SLC24A2: variants seen among roughly 807,000 people sequenced by gnomAD.
SLC24A2 encodes the protein solute carrier family 24 member 2.
SLC24A2 carries 36 observed loss-of-function variants against 62.0 expected under a neutral mutation model. That is an observed-to-expected ratio of 0.58 (90% CI 0.44 to 0.77). The LOEUF (loss-of-function observed/expected upper bound fraction) is 0.77. Ranked by LOEUF, SLC24A2 falls within the 30% of genes least tolerant of loss-of-function variation. The pLI, the probability that SLC24A2 is intolerant of heterozygous loss-of-function variation, is 0.00. For missense variants in SLC24A2, 846 were observed against 817.9 expected (o/e 1.03, Z -0.42); for synonymous variants, 358 against 294.0 (o/e 1.22, Z -2.23).
At chr9:19,693,230 A>G (rs868800419) in intron 2 of SLC24A2, among the ~76,000 whole-genome samples, 6 of 152,150 alleles carry the variant, frequency 3.9e-5, no homozygotes, top group African/African-American at 7.2e-5. Flanking sequence ...CTATAAAGAC[A>G]CACGCACATG....
chr9:19,848,169 G>A, the SLC24A2 span, among the ~76,000 whole-genome samples: 1 of 114,120 alleles, frequency 8.8e-6, no homozygotes, highest in East Asian at 2.0e-4. Context: ...TTGTATAGAA[G>A]AGGGGTTTAT....
the SLC24A2 span, among the ~76,000 whole-genome samples, chr9:20,164,391 C>T: frequency 1.3e-5 from 2 of 152,126 alleles, no homozygotes; most frequent in African/African-American, 2.4e-5. Flanking sequence ...AAATGCTTAC[C>T]ATCACTGGCC....
At chr9:20,168,684 A>G in the SLC24A2 span, among the ~76,000 whole-genome samples, 1 of 152,038 alleles carries the variant, frequency 6.6e-6, no homozygotes, top group Non-Finnish European at 1.5e-5. Context: ...TGCCTAAACT[A>G]AAGAAGAAAA....
At chr9:19,896,946 T>A in the SLC24A2 span, among the ~76,000 whole-genome samples, 2 of 152,228 alleles carry the variant, frequency 1.3e-5, no homozygotes, top group African/African-American at 4.8e-5. Flanking sequence ...GGGAAAAATC[T>A]AATTACCATC....
the SLC24A2 span, among the ~76,000 whole-genome samples, chr9:20,033,925 T>C: frequency 6.6e-6 from 1 of 152,218 alleles, no homozygotes; most frequent in Non-Finnish European, 1.5e-5. Flanking sequence ...CACTTTACTC[T>C]GTTGGCTCAC....
At chr9:19,636,892 AC>A (rs1818372294) in intron 2 of SLC24A2, among the ~76,000 whole-genome samples, 1 of 152,122 alleles carries the variant, frequency 6.6e-6, no homozygotes, top group Non-Finnish European at 1.5e-5. Context: ...AGTGTCCATG[AC>A]CCTAAAAAGG....
At chr9:19,782,229 G>C (rs560045910) in intron 2 of SLC24A2, among the ~76,000 whole-genome samples, 1 of 152,162 alleles carries the variant, frequency 6.6e-6, no homozygotes, top group African/African-American at 2.4e-5. Flanking sequence ...GCCAGGCTAG[G>C]AGCATAGCAA....
At chr9:20,096,814 C>T in the SLC24A2 span, among the ~76,000 whole-genome samples, 620 of 151,652 alleles carry the variant, frequency 4.1e-3, 5 homozygotes, top group African/African-American at 0.014. Flanking sequence ...TTTTTGTTAT[C>T]GTTCTGTTGT....
chr9:20,255,322 T>G, the SLC24A2 span, among the ~76,000 whole-genome samples: 450 of 152,334 alleles, frequency 3.0e-3, 11 homozygotes, highest in Admixed American at 0.026. Flanking sequence ...TGGGGTGGCA[T>G]TAAACAGTGT....
intron 8 of SLC24A2, among the ~76,000 whole-genome samples, chr9:19,531,591 G>A (rs1833709880): frequency 6.6e-6 from 1 of 152,066 alleles, no homozygotes; most frequent in African/African-American, 2.4e-5. Context: ...CTGGACATTA[G>A]CTGGTTGTAC....
chr9:19,844,959 C>CTTTT, the SLC24A2 span, among the ~76,000 whole-genome samples: 30 of 144,978 alleles, frequency 2.1e-4, 1 homozygote, highest in African/African-American at 5.5e-4. Flanking sequence ...ATGCCTCTGG[C>CTTTT]TTTTTTTTTT....
At chr9:20,289,732 C>G in the SLC24A2 span, among the ~76,000 whole-genome samples, 1 of 152,164 alleles carries the variant, frequency 6.6e-6, no homozygotes, top group African/African-American at 2.4e-5. Flanking sequence ...ATGAATTGAA[C>G]TCCCATCCAC....
At chr9:19,980,883 T>C in the SLC24A2 span, among the ~76,000 whole-genome samples, 2 of 152,210 alleles carry the variant, frequency 1.3e-5, no homozygotes, top group African/African-American at 4.8e-5. Flanking sequence ...AGGAAGCCTC[T>C]GTATATTACG....
intron 7 of SLC24A2, among the ~76,000 whole-genome samples, chr9:19,570,016 G>A (rs1835791572): frequency 6.6e-6 from 1 of 152,128 alleles, no homozygotes; most frequent in Non-Finnish European, 1.5e-5. Flanking sequence ...GCTTTGTTTT[G>A]TTCATGGCCT....
the SLC24A2 span, among the ~76,000 whole-genome samples, chr9:20,199,245 C>G: frequency 1.3e-5 from 2 of 152,146 alleles, no homozygotes; most frequent in African/African-American, 2.4e-5. Flanking sequence ...CTGTGAAACT[C>G]AGGCGGGATA....
chr9:19,596,492 T>C (rs1836705825), intron 5 of SLC24A2, among the ~76,000 whole-genome samples: 1 of 152,228 alleles, frequency 6.6e-6, no homozygotes, highest in African/African-American at 2.4e-5. Flanking sequence ...TTCACATTGC[T>C]GTTCCATGGC....
chr9:20,128,425 C>T, the SLC24A2 span, among the ~76,000 whole-genome samples: 1 of 152,056 alleles, frequency 6.6e-6, no homozygotes, highest in African/African-American at 2.4e-5. Context: ...ATTACTGTTA[C>T]TGCTAATAAT....
At chr9:20,240,688 G>T in the SLC24A2 span, among the ~76,000 whole-genome samples, 3 of 152,260 alleles carry the variant, frequency 2.0e-5, no homozygotes, top group Non-Finnish European at 2.9e-5. Context: ...TGACTATGAG[G>T]TTGGTCATTT....
intron 7 of SLC24A2, among the ~76,000 whole-genome samples, chr9:19,565,451 C>CAATGA (rs1835608935): frequency 6.6e-6 from 1 of 150,748 alleles, no homozygotes; most frequent in African/African-American, 2.4e-5. Flanking sequence ...AACCACTGCT[C>CAATGA]AATGAAATAA....
Sources: allele counts gnomAD v4.1 joint callset (sites outside exome capture counted in the v4.1 genomes callset), GRCh38; gene constraint gnomAD v4.1.1; transcripts MANE v1.5; gene names NCBI Gene and HGNC (gene_info 2026-07-23, HGNC 2026-07-21).